Variants in TMEM223 observed in about 807,000 individuals in gnomAD.
The protein encoded by TMEM223 is transmembrane protein 223.
Under a neutral mutation model 14.1 loss-of-function variants are expected in TMEM223, and 14 were observed. The ratio of observed to expected loss-of-function variants is 0.99; its 90% CI spans 0.66 to 1.55. TMEM223 has a LOEUF of 1.55. TMEM223 is among the 40% of genes most tolerant of loss of function. TMEM223 has a pLI of 0.00. For synonymous variants in TMEM223, 145 were observed against 120.5 expected (o/e 1.20, Z -1.33); for missense variants, 346 against 269.9 (o/e 1.28, Z -1.97).
downstream of TMEM223, among the ~76,000 whole-genome samples, chr11:62,783,682 G>A (rs1157375430): frequency 6.6e-6 from 1 of 151,504 alleles, no homozygotes; most frequent in Non-Finnish European, 1.5e-5. Context: ...TTACAGGCAC[G>A]TGCCACCATG....
downstream of TMEM223, among the ~76,000 whole-genome samples, chr11:62,783,472 ACT>A (rs1226363475): frequency 8.8e-5 from 13 of 147,760 alleles, no homozygotes; most frequent in Admixed American, 6.8e-4. Context: ...ACAGAGCGAG[ACT>A]CTGTCTCAAA....
chr11:62,790,030 C>A lies in TMEM223; in HGVS notation c.*593G>T, dbSNP rs141258525. On this transcript the variant is annotated 3_prime_UTR_variant, in exon 2 of 2. Transcript: ENST00000307366. ...TGAGACAGATGCTCTCGTTGGGTCA[C>A]GCCTTTCCCATTCCTGAAGAATAAG... 6.2e-7 allele frequency: 1 copy of A among 1,611,914 alleles called. No individual in the cohort carries two copies. The highest frequency in any genetic ancestry group is 8.5e-7 in the Non-Finnish European group (1 of 1,178,916).
intron 1 of TMEM223, among the ~76,000 whole-genome samples, chr11:62,776,850 GAA>G (rs71056563): frequency 4.4e-5 from 3 of 68,190 alleles, no homozygotes; most frequent in Non-Finnish European, 6.2e-5. Context: ...CTCAAAAAAA[GAA>G]AAAAAAAAAA....
In TMEM223 at chr11:62,791,796, C is replaced by T; in HGVS notation, c.199G>A (p.Val67Met). 6.4e-7 allele frequency: 1 copy of T among 1,573,838 alleles called. No homozygotes were observed. Among genetic ancestry groups the T allele is most frequent in the Non-Finnish European group, 8.6e-7 (1 of 1,160,728 alleles). Residue 67 changes from valine to methionine, a missense_variant, in exon 1 of 2, where the codon GTG becomes ATG. By Grantham distance (21) the Val-to-Met change is conservative. Transcript: ENST00000307366. ...TGCACCGGAACCGGGGGCCGGGACA[C>T]GGCTGCCACAGCCATGGAAGCCCAG... ...VFWASMAVAA[V>M]SRPPVPVQPL...
At chr11:62,787,501 G>T, downstream of TMEM223, 1 of 1,577,968 alleles carries the variant, frequency 6.3e-7, no homozygotes, top group South Asian at 1.1e-5. Context: ...CGGGGCCGTG[G>T]CGGCCGCGGC....
chr11:62,788,074 T>C (rs1408014770), downstream of TMEM223: 2 of 442,448 alleles, frequency 4.5e-6, no homozygotes, highest in African/African-American at 2.0e-5. Flanking sequence ...GCCTATAAAG[T>C]AGGCACTAGT....
downstream of TMEM223, chr11:62,789,769 G>A (rs1460960473): frequency 6.6e-7 from 1 of 1,513,182 alleles, no homozygotes. Flanking sequence ...GCCTACCAGT[G>A]AGAGGAGCTG....
Position 62,790,977 on chromosome 11 carries a change from C to A in TMEM223, c.317-62G>T. 2.8e-6 allele frequency: 4 copies of A among 1,440,084 alleles called. No individual in the cohort carries two copies. In the South Asian group the frequency reaches 5.9e-5, roughly 21 times the overall value. The allele number at this position is 1,440,084 out of a possible 1,614,324, so 89.2% of individuals were successfully genotyped here. ...ACTGGGCATCTAAGTACCGACCTTT[C>A]CAGTGCCCTCTGAATAAGAAATTTG... On this transcript the variant is annotated intron_variant, in intron 1 of 1. Transcript: ENST00000307366.
rs1482626771 is a variant in TMEM223, at chr11:62,790,659, G to C, written c.573C>G (p.Leu191=). The change falls in exon 2 of 2, where the codon CTC becomes CTG. Residue 191 remains leucine (L), a synonymous_variant. Transcript: ENST00000307366. Reference sequence around the variant, plus strand: ...GGTAGGCACCCACAGTATTGTCAAAGAGTTTTGTGTTAGGGAAGTGTCCAG... The same window carrying C: ...GGTAGGCACCCACAGTATTGTCAAACAGTTTTGTGTTAGGGAAGTGTCCAG... The part of the protein sequence containing the change: ...DKTGHFPNTK[L]FDNTVGAYRS... 5 of 1,612,244 alleles carry C rather than the reference G, an allele frequency of 3.1e-6. No individual in the cohort carries two copies. Among genetic ancestry groups the C allele is most frequent in the Non-Finnish European group, 4.2e-6 (5 of 1,178,990 alleles).
exon 3 of TMEM223, chr11:62,771,829 A>T: frequency 3.4e-6 from 1 of 294,234 alleles, no homozygotes; most frequent in Non-Finnish European, 6.8e-6. Context: ...ATAATAGGGA[A>T]ACTCCCTCCG....
chr11:62,786,595 C>G, downstream of TMEM223: 1 of 1,580,022 alleles, frequency 6.3e-7, no homozygotes, highest in South Asian at 1.2e-5. Context: ...CAGGGGGTGC[C>G]GGCGCCTGGA....
downstream of TMEM223, chr11:62,787,607 G>A: frequency 3.5e-6 from 5 of 1,430,760 alleles, no homozygotes; most frequent in South Asian, 1.4e-5. Flanking sequence ...CTTTCCGACC[G>A]GGCTTGCTGC....
downstream of TMEM223, chr11:62,789,299 AT>A (rs770835980): frequency 2.5e-6 from 4 of 1,613,902 alleles, no homozygotes; most frequent in Non-Finnish European, 3.4e-6. Context: ...CAGAGGTGCT[AT>A]AGGGCTGCGC....
chr11:62,778,243 G>T (rs372027900), intron 1 of TMEM223: 119 of 1,613,960 alleles, frequency 7.4e-5, no homozygotes, highest in Non-Finnish European at 1.0e-4. Flanking sequence ...TACTCTAAGG[G>T]GCAAAACGCC....
At chr11:62,787,918 T>C (rs1235782192), downstream of TMEM223, 9 of 508,380 alleles carry the variant, frequency 1.8e-5, no homozygotes, top group South Asian at 4.6e-5. Flanking sequence ...GTAGTGGAGA[T>C]GATCAAGCTG....
intron 2 of TMEM223, among the ~76,000 whole-genome samples, chr11:62,773,706 C>T (rs921010168): frequency 7.2e-5 from 11 of 152,090 alleles, no homozygotes; most frequent in Admixed American, 3.3e-4. Flanking sequence ...CCTTGGCCTC[C>T]GAAAGTGCTG....
rs1205855864 is a variant in TMEM223, at chr11:62,772,133, C to T, written c.386-1G>A. 1 of 456,220 alleles carries T rather than the reference C, an allele frequency of 2.2e-6. No individual in the cohort carries two copies. The highest frequency in any genetic ancestry group is 4.4e-6 in the Non-Finnish European group (1 of 226,950). 28.3% of individuals were successfully genotyped at this position (456,220 alleles called of 1,614,324 possible). ...AGCCTCTGAGGTTTGATTTCCTTGC[C>T]TGTGAAATAGACGAAATACATAATA... On this transcript the variant is annotated splice_acceptor_variant, in intron 2 of 2. Coordinates refer to the TMEM223 transcript ENST00000528367. LOFTEE classifies it high-confidence loss of function.
chr11:62,774,891 C>CAAA (rs775768945), intron 1 of TMEM223, among the ~76,000 whole-genome samples: 3 of 84,624 alleles, frequency 3.5e-5, no homozygotes, highest in African/African-American at 9.0e-5. Context: ...AACTCCGTCT[C>CAAA]AAAAAAAAAA....
At chr11:62,787,079 G>A (rs769770940), downstream of TMEM223, 24 of 1,534,806 alleles carry the variant, frequency 1.6e-5, no homozygotes, top group South Asian at 2.7e-4. Context: ...CAGAAGAGCC[G>A]TTTCGCCCCG....
Sources: allele counts gnomAD v4.1 joint callset (sites outside exome capture counted in the v4.1 genomes callset), GRCh38; gene constraint gnomAD v4.1.1; transcripts MANE v1.5; gene names NCBI Gene and HGNC (gene_info 2026-07-23, HGNC 2026-07-21).